Variants in HS6ST3 observed in about 807,000 individuals in gnomAD.
HS6ST3 encodes heparan-sulfate 6-O-sulfotransferase 3.
In HS6ST3, 12 loss-of-function variants were observed where a neutral mutation model predicts 36.7. That is an observed-to-expected ratio of 0.33 (90% CI 0.21 to 0.53). HS6ST3 has a LOEUF of 0.53. Among genes scored for constraint, HS6ST3 ranks in the 20% least tolerant of loss-of-function variants. The probability of loss-of-function intolerance (pLI) is 0.95; values close to 1 mark genes in which losing one functional copy is unlikely to be tolerated. For synonymous variants in HS6ST3, 240 were observed against 257.5 expected, an observed-to-expected ratio of 0.93 and a Z score of 0.65; for missense variants, 584 against 640.9, an observed-to-expected ratio of 0.91 and a Z score of 0.96.
intron 1 of HS6ST3, among the ~76,000 whole-genome samples, chr13:96,246,014 A>G (rs2054583417): frequency 6.6e-6 from 1 of 152,176 alleles, no homozygotes; most frequent in Admixed American, 6.5e-5. Context: ...TTAAAAAAAG[A>G]TTAGGGTTAG....
At chr13:96,213,248 T>A (rs1164460395) in intron 1 of HS6ST3, among the ~76,000 whole-genome samples, 1 of 152,260 alleles carries the variant, frequency 6.6e-6, no homozygotes, top group Non-Finnish European at 1.5e-5. Flanking sequence ...TTCTATCATG[T>A]AGCCATATAA....
intron 1 of HS6ST3, among the ~76,000 whole-genome samples, chr13:96,512,675 T>TTTTC (rs1183680415): frequency 2.0e-5 from 3 of 152,184 alleles, no homozygotes; most frequent in South Asian, 2.1e-4. Flanking sequence ...ATTAGTTATT[T>TTTTC]TTTCTAGTAG....
chr13:96,603,903 G>T (rs977617090), intron 1 of HS6ST3, among the ~76,000 whole-genome samples: 1 of 152,140 alleles, frequency 6.6e-6, no homozygotes, highest in African/African-American at 2.4e-5. Context: ...GATCATGGTG[G>T]CAAGGATCTA....
At chr13:96,494,099 A>G (rs1457851904) in intron 1 of HS6ST3, among the ~76,000 whole-genome samples, 1 of 152,060 alleles carries the variant, frequency 6.6e-6, no homozygotes, top group East Asian at 1.9e-4. Context: ...ACCACGATGT[A>G]CCTTTTGGCT....
At chr13:96,253,815 T>A (rs1439401434) in intron 1 of HS6ST3, among the ~76,000 whole-genome samples, 6 of 152,210 alleles carry the variant, frequency 3.9e-5, no homozygotes, top group Non-Finnish European at 5.9e-5. Flanking sequence ...TGTGTCCATG[T>A]CCCTAATATC....
intron 1 of HS6ST3, among the ~76,000 whole-genome samples, chr13:96,597,053 T>A (rs1310282039): frequency 6.6e-6 from 1 of 151,464 alleles, no homozygotes; most frequent in South Asian, 2.1e-4. Context: ...ATGGATAGAG[T>A]TGGAGACCAT....
At chr13:96,651,714 TG>T (rs1391964705) in intron 1 of HS6ST3, among the ~76,000 whole-genome samples, 15 of 152,136 alleles carry the variant, frequency 9.9e-5, no homozygotes, top group African/African-American at 3.6e-4. Context: ...AGCATCTAGT[TG>T]TATCTAATCA....
intron 1 of HS6ST3, among the ~76,000 whole-genome samples, chr13:96,459,819 AT>A (rs1359410370): frequency 6.6e-6 from 1 of 152,194 alleles, no homozygotes; most frequent in Admixed American, 6.5e-5. Context: ...AAATTGAATA[AT>A]GGGATAATCA....
chr13:96,195,087 G>T (rs1468010999), intron 1 of HS6ST3, among the ~76,000 whole-genome samples: 1 of 152,096 alleles, frequency 6.6e-6, no homozygotes, highest in African/African-American at 2.4e-5. Flanking sequence ...GCAATATGTT[G>T]GGGGGAAAAT....
intron 1 of HS6ST3, among the ~76,000 whole-genome samples, chr13:96,158,027 T>C (rs2054118377): frequency 6.6e-6 from 1 of 152,066 alleles, no homozygotes; most frequent in Non-Finnish European, 1.5e-5. Flanking sequence ...GTACACAAAG[T>C]GGTTTGGGAA....
chr13:96,327,009 C>G (rs938181434), intron 1 of HS6ST3, among the ~76,000 whole-genome samples: 2 of 145,374 alleles, frequency 1.4e-5, no homozygotes, highest in Admixed American at 6.8e-5. Context: ...GTCCTTTGCT[C>G]ACTTTTTGAT....
Position 96,833,432 on chromosome 13 carries a change from A to G in HS6ST3, c.*234A>G, listed in dbSNP as rs1878854206. 2 of 452,038 alleles carry G rather than the reference A, an allele frequency of 4.4e-6. No individual in the cohort carries two copies. Among genetic ancestry groups the G allele is most frequent in the African/African-American group, 3.9e-5 (2 of 51,002 alleles). 28.0% of individuals were successfully genotyped at this position (452,038 alleles called of 1,614,324 possible). On this transcript the variant is annotated 3_prime_UTR_variant, in exon 2 of 2. Coordinates refer to ENST00000376705, the MANE Select transcript of HS6ST3 (RefSeq NM_153456.4). Reference sequence around the variant, plus strand: ...ATTAAGTAGGGTAGGAGTGCATCCCATATAGGCCATTTTAGAAGGCCAAGG... The same window carrying G: ...ATTAAGTAGGGTAGGAGTGCATCCCGTATAGGCCATTTTAGAAGGCCAAGG...
chr13:96,800,765 C>T (rs1380217532), intron 1 of HS6ST3, among the ~76,000 whole-genome samples: 2 of 152,018 alleles, frequency 1.3e-5, no homozygotes, highest in Admixed American at 1.3e-4. Flanking sequence ...TTCTCAAGAA[C>T]TTTACTCCCA....
intron 1 of HS6ST3, among the ~76,000 whole-genome samples, chr13:96,318,665 G>T (rs1296184237): frequency 2.0e-5 from 3 of 151,614 alleles, no homozygotes; most frequent in Admixed American, 1.3e-4. Context: ...CTCATTACTT[G>T]TTTTTTTTGG....
intron 1 of HS6ST3, among the ~76,000 whole-genome samples, chr13:96,172,762 C>A (rs2139335329): frequency 6.6e-6 from 1 of 152,260 alleles, no homozygotes; most frequent in Non-Finnish European, 1.5e-5. Context: ...ACAACAAATT[C>A]TTTATCTTAA....
chr13:96,559,103 TA>T (rs1324793596), intron 1 of HS6ST3, among the ~76,000 whole-genome samples: 1 of 151,568 alleles, frequency 6.6e-6, no homozygotes, highest in African/African-American at 2.4e-5. Context: ...TCTATCTATC[TA>T]TCTATCTATC....
At chr13:96,512,325 G>A (rs1039880059) in intron 1 of HS6ST3, among the ~76,000 whole-genome samples, 5 of 152,168 alleles carry the variant, frequency 3.3e-5, no homozygotes, top group African/African-American at 1.2e-4. Context: ...TAGGGCAAGT[G>A]CCCTGTCTGC....
intron 1 of HS6ST3, among the ~76,000 whole-genome samples, chr13:96,259,170 G>A (rs931610532): frequency 8.6e-5 from 13 of 151,828 alleles, no homozygotes; most frequent in African/African-American, 2.7e-4. Context: ...GTGTTTGTGT[G>A]TCCGTGTATG....
intron 1 of HS6ST3, among the ~76,000 whole-genome samples, chr13:96,643,418 C>T (rs974459037): frequency 3.3e-5 from 5 of 151,910 alleles, no homozygotes; most frequent in Non-Finnish European, 7.4e-5. Context: ...TCCAGATTCT[C>T]AGGAATTTGT....
Sources: allele counts gnomAD v4.1 joint callset (sites outside exome capture counted in the v4.1 genomes callset), GRCh38; gene constraint gnomAD v4.1.1; transcripts MANE v1.5; gene names NCBI Gene and HGNC (gene_info 2026-07-23, HGNC 2026-07-21).